Variants in VRK2 observed in about 807,000 individuals in gnomAD.
The protein encoded by VRK2 is serine/threonine-protein kinase VRK2.
VRK2 carries 60 observed loss-of-function variants against 57.6 expected under a neutral mutation model. The ratio of observed to expected loss-of-function variants is 1.04; its 90% CI spans 0.85 to 1.29. The LOEUF is 1.29. Ranked by LOEUF, VRK2 falls within the 50% of genes most tolerant of loss-of-function variation. The pLI is 0.00. For missense variants in VRK2, 705 were observed against 588.1 expected, an observed-to-expected ratio of 1.20 and a Z score of -2.06; for synonymous variants, 231 against 199.2, an observed-to-expected ratio of 1.16 and a Z score of -1.35.
chr2:58,085,083 C>T, intron 4 of VRK2, 133 bp downstream of exon 4: 2 of 720,090 alleles, frequency 2.8e-6, no homozygotes, highest in Non-Finnish European at 4.4e-6. Context: ...ATACAGTTAA[C>T]TGTTACAACA....
At chr2:57,978,208 C>T (rs1267727723) in intron 1 of VRK2, among the ~76,000 whole-genome samples, 2 of 150,728 alleles carry the variant, frequency 1.3e-5, no homozygotes, top group African/African-American at 2.5e-5. Flanking sequence ...AAGAAAAATA[C>T]CACTCAGTAT....
upstream of VRK2, among the ~76,000 whole-genome samples, chr2:58,042,798 C>T (rs1674513388): frequency 6.6e-6 from 1 of 152,072 alleles, no homozygotes; most frequent in Non-Finnish European, 1.5e-5. Context: ...TGTTTGAAAA[C>T]CTAGTTTTCC....
intron 1 of VRK2, among the ~76,000 whole-genome samples, chr2:57,964,138 T>G (rs1383799342): frequency 1.3e-5 from 2 of 152,170 alleles, no homozygotes; most frequent in African/African-American, 2.4e-5. Flanking sequence ...ATATACCTTT[T>G]GACTCCCCCA....
intron 7 of VRK2, among the ~76,000 whole-genome samples, chr2:58,120,616 C>T (rs186323084): frequency 6.6e-6 from 1 of 152,272 alleles, no homozygotes; most frequent in East Asian, 1.9e-4. Context: ...CTTAGCTTGA[C>T]ACAACTTGAC....
intron 1 of VRK2, among the ~76,000 whole-genome samples, chr2:57,992,724 G>C (rs2012709049): frequency 6.6e-6 from 1 of 151,710 alleles, no homozygotes; most frequent in South Asian, 2.1e-4. Context: ...TTTTAGTAGA[G>C]ACGGGGTTTC....
At chr2:57,987,810 C>G (rs1672644970) in intron 1 of VRK2, among the ~76,000 whole-genome samples, 1 of 151,692 alleles carries the variant, frequency 6.6e-6, no homozygotes, top group South Asian at 2.1e-4. Context: ...AAATACTGCT[C>G]AATGAAAAAA....
upstream of VRK2, among the ~76,000 whole-genome samples, chr2:58,043,673 A>G (rs897102968): frequency 6.6e-6 from 1 of 152,196 alleles, no homozygotes; most frequent in South Asian, 2.1e-4. Flanking sequence ...AGTTTTGGCT[A>G]TCACATATGA....
At chr2:58,013,671 A>G (rs938887309) in intron 1 of VRK2, among the ~76,000 whole-genome samples, 39 of 151,982 alleles carry the variant, frequency 2.6e-4, no homozygotes, top group African/African-American at 8.9e-4. Context: ...GGAGATCGAG[A>G]CCACGGTGAA....
chr2:57,994,519 C>T (rs1356282992), intron 1 of VRK2, among the ~76,000 whole-genome samples: 1 of 152,052 alleles, frequency 6.6e-6, no homozygotes, highest in African/African-American at 2.4e-5. Flanking sequence ...GAATGAATAA[C>T]AGAAGAACAA....
intron 7 of VRK2, among the ~76,000 whole-genome samples, chr2:58,106,501 G>C (rs1488374163): frequency 1.3e-5 from 2 of 152,026 alleles, no homozygotes; most frequent in Non-Finnish European, 2.9e-5. Flanking sequence ...ATTTAAGGCA[G>C]TCATAGTCTT....
rs560744735 is a variant in VRK2, at chr2:58,151,502, G to A, written c.1182+5028G>A. Among the ~76,000 whole-genome samples the A allele has an allele frequency of 1.3e-4, 20 of 151,236 alleles. No homozygotes were observed. In the South Asian group the frequency reaches 2.3e-3, roughly 17 times the overall value. On this transcript the variant is annotated intron_variant, in intron 12 of 12. Coordinates refer to ENST00000340157, the MANE Select transcript of VRK2 (RefSeq NM_006296.7). ...TGTAACTAGCATATAGTTGAGCCTCGCTATTTTATAAAATCTGGCAAACAC... is the reference window on the plus strand; with the variant it reads ...TGTAACTAGCATATAGTTGAGCCTCACTATTTTATAAAATCTGGCAAACAC...
At chr2:58,037,816 T>A (rs1277433193) in intron 3 of VRK2, among the ~76,000 whole-genome samples, 1 of 152,134 alleles carries the variant, frequency 6.6e-6, no homozygotes, top group Non-Finnish European at 1.5e-5. Context: ...GGCCAACAAC[T>A]AATTTTACAA....
At chr2:57,963,560 A>G (rs1671824117) in intron 1 of VRK2, among the ~76,000 whole-genome samples, 1 of 152,198 alleles carries the variant, frequency 6.6e-6, no homozygotes, top group African/African-American at 2.4e-5. Context: ...CGTATGCTGC[A>G]TGCTTTTTGT....
chr2:58,065,844 A>G (rs1668532554), intron 2 of VRK2, among the ~76,000 whole-genome samples: 2 of 152,174 alleles, frequency 1.3e-5, no homozygotes, highest in Non-Finnish European at 2.9e-5. Context: ...ATATATTGAT[A>G]TATACATTTT....
In VRK2 at chr2:58,088,372, A is replaced by G. The variant is rs1233277614; in HGVS notation, c.376A>G (p.Ile126Val). ...ATTTATGGTAATGGAAAGACTAGGAATAGATTTACAGAAGATCTCAGGCCA... is the reference window on the plus strand; with the variant it reads ...ATTTATGGTAATGGAAAGACTAGGAGTAGATTTACAGAAGATCTCAGGCCA... ...YRFMVMERLG[I>V]DLQKISGQNG... Residue 126 changes from isoleucine to valine, a missense_variant, in exon 6 of 13, where the codon ATA becomes GTA. By Grantham distance (29) the Ile-to-Val change is conservative (BLOSUM62 3). Transcript: ENST00000340157. 2.5e-6 allele frequency: 4 copies of G among 1,613,176 alleles called. No homozygotes were observed. The highest frequency in any genetic ancestry group is 3.4e-6 in the Non-Finnish European group (4 of 1,179,540).
chr2:58,048,792 T>C, intron 1 of VRK2, 35 bp from the exon 2 acceptor site: 8 of 1,600,644 alleles, frequency 5.0e-6, no homozygotes, highest in Non-Finnish European at 6.8e-6. Context: ...TTTGTTTTTC[T>C]TTTTACCCAT....
intron 7 of VRK2, among the ~76,000 whole-genome samples, chr2:58,109,541 G>A (rs1658365317): frequency 6.6e-6 from 1 of 152,190 alleles, no homozygotes; most frequent in South Asian, 2.1e-4. Context: ...TATCATGGCA[G>A]AAGGGGAAGC....
At chr2:57,966,520 C>T (rs1369599969) in intron 1 of VRK2, among the ~76,000 whole-genome samples, 1 of 152,006 alleles carries the variant, frequency 6.6e-6, no homozygotes, top group African/African-American at 2.4e-5. Flanking sequence ...AAATTTTATC[C>T]TATAAAGAAT....
At chr2:58,092,828 G>T (rs1672566066) in intron 7 of VRK2, among the ~76,000 whole-genome samples, 1 of 152,018 alleles carries the variant, frequency 6.6e-6, no homozygotes, top group Non-Finnish European at 1.5e-5. Flanking sequence ...CCGACCCCAT[G>T]ACAGGCCCCG....
Sources: allele counts gnomAD v4.1 joint callset (sites outside exome capture counted in the v4.1 genomes callset), GRCh38; gene constraint gnomAD v4.1.1; transcripts MANE v1.5; gene names NCBI Gene and HGNC (gene_info 2026-07-23, HGNC 2026-07-21).